PFKFB3: variants seen among roughly 807,000 people sequenced by gnomAD.
PFKFB3 encodes 6-phosphofructo-2-kinase/fructose-2,6-biphosphatase 3.
PFKFB3 carries 33 observed loss-of-function variants against 68.0 expected under a neutral mutation model. The ratio of observed to expected loss-of-function variants is 0.49; its 90% CI spans 0.37 to 0.65. The LOEUF is 0.65. Among genes scored for constraint, PFKFB3 ranks in the 30% least tolerant of loss-of-function variants. The pLI, the probability that PFKFB3 is intolerant of heterozygous loss-of-function variation, is 0.00. For missense variants in PFKFB3, 586 were observed against 712.2 expected, an observed-to-expected ratio of 0.82 and a Z score of 2.02; for synonymous variants, 315 against 288.2, an observed-to-expected ratio of 1.09 and a Z score of -0.94.
downstream of PFKFB3, among the ~76,000 whole-genome samples, chr10:6,236,724 C>G (rs536428461): frequency 6.6e-6 from 1 of 152,202 alleles, no homozygotes; most frequent in Non-Finnish European, 1.5e-5. Context: ...GCCTTTCAGG[C>G]TGACTACCCA....
chr10:6,219,651 A>G lies in PFKFB3; in HGVS notation c.581A>G (p.Tyr194Cys). Residue 194 changes from tyrosine to cysteine, a missense_variant, in exon 7 of 15, where the codon TAT (tyrosine) becomes TGT (cysteine). By Grantham distance (194) the Tyr-to-Cys change is radical. Coordinates refer to ENST00000379775, the MANE Select transcript of PFKFB3 (RefSeq NM_004566.4). ...MDDFMKRISCYEASYQPLDPD... is the reference protein window; with the variant it reads ...MDDFMKRISCCEASYQPLDPD... Reference sequence around the variant, plus strand: ...GACTTCATGAAGAGGATCAGTTGCTATGAAGCCAGCTACCAGCCCCTCGAC... The same window carrying G: ...GACTTCATGAAGAGGATCAGTTGCTGTGAAGCCAGCTACCAGCCCCTCGAC... 1 of 1,613,948 alleles carries G rather than the reference A, an allele frequency of 6.2e-7. No individual in the cohort carries two copies. Among genetic ancestry groups the G allele is most frequent in the Non-Finnish European group, 8.5e-7 (1 of 1,179,852 alleles).
intron 1 of PFKFB3, among the ~76,000 whole-genome samples, chr10:6,160,135 A>G (rs183616836): frequency 5.6e-4 from 86 of 152,336 alleles, no homozygotes; most frequent in Non-Finnish European, 9.4e-4. Context: ...TAATAAAACT[A>G]TGTATTTTTA....
rs1588531827 is a variant in PFKFB3, at chr10:6,226,535, A to T, written c.1515+170A>T. 7 of 610,784 alleles carry T rather than the reference A, an allele frequency of 1.1e-5. 1 individual carries two copies. The highest frequency in any genetic ancestry group is 1.0e-4 in the South Asian group (5 of 49,520). 37.8% of individuals were successfully genotyped at this position (610,784 alleles called of 1,614,324 possible). ...ACGTGTGTTGTGGGGGCATGTGCACACACTCACGTGTTGAGGGAGAACATA... is the reference window on the plus strand; with the variant it reads ...ACGTGTGTTGTGGGGGCATGTGCACTCACTCACGTGTTGAGGGAGAACATA... On this transcript the variant is annotated intron_variant, in intron 14 of 14. Coordinates refer to ENST00000379775, the MANE Select transcript of PFKFB3 (RefSeq NM_004566.4).
At chr10:6,145,705 G>C (rs996352861) in intron 1 of PFKFB3, among the ~76,000 whole-genome samples, 1 of 152,200 alleles carries the variant, frequency 6.6e-6, no homozygotes, top group Non-Finnish European at 1.5e-5. Context: ...GATGGCTAGG[G>C]ACGGCCGCGT....
At chr10:6,207,065 A>T (rs12359050) in intron 1 of PFKFB3, among the ~76,000 whole-genome samples, 18,549 of 138,926 alleles carry the variant, frequency 0.13, 1,516 homozygotes, top group African/African-American at 0.15. Flanking sequence ...CAATCTCGGC[A>T]CTTTGGGAGG....
chr10:6,208,928 C>T (rs1164476020), intron 1 of PFKFB3, among the ~76,000 whole-genome samples: 3 of 152,200 alleles, frequency 2.0e-5, no homozygotes, highest in African/African-American at 4.8e-5. Flanking sequence ...CTGCAGGGAA[C>T]GGGCCCCAGT....
rs370060304 is a variant in PFKFB3 at position 6,233,110 on chromosome 10, C to A, written c.*168C>A. Reference sequence around the variant, plus strand: ...ATGCTTGGCACCGTCTGTGTCCCCTCGGCCGCTGGACACCAGAAAGCCACG... The same window carrying A: ...ATGCTTGGCACCGTCTGTGTCCCCTAGGCCGCTGGACACCAGAAAGCCACG... On this transcript the variant is annotated 3_prime_UTR_variant, in exon 15 of 15. Coordinates refer to ENST00000379775, the MANE Select transcript of PFKFB3 (RefSeq NM_004566.4). The A allele has an allele frequency of 1.6e-6, 1 of 613,642 alleles. No homozygotes were observed. The highest frequency in any genetic ancestry group is 1.8e-5 in the African/African-American group (1 of 54,524). 38.0% of individuals were successfully genotyped at this position (613,642 alleles called of 1,614,324 possible).
chr10:6,148,337 C>A (rs1024670967), intron 1 of PFKFB3, among the ~76,000 whole-genome samples: 1 of 152,202 alleles, frequency 6.6e-6, no homozygotes, highest in African/African-American at 2.4e-5. Flanking sequence ...GGGACTTAGA[C>A]CTCATATTGC....
the PFKFB3 span, among the ~76,000 whole-genome samples, chr10:6,306,408 T>A: frequency 6.6e-6 from 1 of 152,216 alleles, no homozygotes; most frequent in African/African-American, 2.4e-5. Flanking sequence ...TTGGGGGCAT[T>A]TAGTCCTCAG....
chr10:6,219,391 T>A (rs566015408), intron 6 of PFKFB3, 178 bp from the exon 7 acceptor site: 94 of 610,126 alleles, frequency 1.5e-4, no homozygotes, highest in Non-Finnish European at 2.5e-4. Context: ...CCTCCCCATG[T>A]AACATCAGGC....
the PFKFB3 span, among the ~76,000 whole-genome samples, chr10:6,297,516 T>G: frequency 6.6e-6 from 1 of 152,036 alleles, no homozygotes; most frequent in Admixed American, 6.6e-5. Flanking sequence ...CTTTTTTTTT[T>G]TGTAGGCATC....
the PFKFB3 span, among the ~76,000 whole-genome samples, chr10:6,289,714 G>A: frequency 2.0e-5 from 3 of 151,914 alleles, no homozygotes; most frequent in South Asian, 4.2e-4. Context: ...TATGAACTTT[G>A]AAGTAGTTTT....
chr10:6,304,404 A>G, the PFKFB3 span, among the ~76,000 whole-genome samples: 1 of 151,290 alleles, frequency 6.6e-6, no homozygotes, highest in Non-Finnish European at 1.5e-5. Flanking sequence ...TCTGTACAGC[A>G]TCACGTATCC....
the PFKFB3 span, among the ~76,000 whole-genome samples, chr10:6,283,231 G>C: frequency 1.3e-5 from 2 of 152,194 alleles, no homozygotes; most frequent in African/African-American, 4.8e-5. Flanking sequence ...GCCTCCCAAA[G>C]TGCTGGGATT....
intron 1 of PFKFB3, among the ~76,000 whole-genome samples, chr10:6,166,821 C>CTTTTTTTT (rs144747290): frequency 2.9e-4 from 28 of 95,266 alleles, no homozygotes; most frequent in African/African-American, 3.5e-4. Flanking sequence ...CCTTCTTCTT[C>CTTTTTTTT]TTTTTTTTTT....
At chr10:6,278,601 T>A in the PFKFB3 span, among the ~76,000 whole-genome samples, 1 of 152,164 alleles carries the variant, frequency 6.6e-6, no homozygotes, top group Non-Finnish European at 1.5e-5. Flanking sequence ...TAACCAGTTA[T>A]CCCCTGAAGA....
the PFKFB3 span, among the ~76,000 whole-genome samples, chr10:6,282,036 C>A: frequency 4.0e-5 from 6 of 150,710 alleles, no homozygotes; most frequent in African/African-American, 9.8e-5. Context: ...CAGGCACCTT[C>A]ACGGCACACT....
At chr10:6,323,822 C>G in the PFKFB3 span, among the ~76,000 whole-genome samples, 1 of 152,176 alleles carries the variant, frequency 6.6e-6, no homozygotes, top group African/African-American at 2.4e-5. Context: ...AGGTGAGATG[C>G]TGCAGCTTCT....
At chr10:6,221,571 G>C in intron 9 of PFKFB3, 44 bp downstream of exon 9, 1 of 1,612,048 alleles carries the variant, frequency 6.2e-7, no homozygotes, top group Admixed American at 1.7e-5. Flanking sequence ...CTCGGGCATG[G>C]GGCGGCTTCC....
Sources: allele counts gnomAD v4.1 joint callset (sites outside exome capture counted in the v4.1 genomes callset), GRCh38; gene constraint gnomAD v4.1.1; transcripts MANE v1.5; gene names NCBI Gene and HGNC (gene_info 2026-07-23, HGNC 2026-07-21).